RAB7B: variants seen among roughly 807,000 people sequenced by gnomAD.
The protein encoded by RAB7B is ras-related protein Rab-7b.
intron 4 of RAB7B, among the ~76,000 whole-genome samples, chr1:205,988,118 A>G (rs1660646154): frequency 6.6e-6 from 1 of 151,670 alleles, no homozygotes; most frequent in African/African-American, 2.4e-5. Flanking sequence ...ATTCCTTGCT[A>G]TTCATCTTCA....
intron 1 of RAB7B, among the ~76,000 whole-genome samples, chr1:205,996,913 G>A (rs879246889): frequency 9.3e-4 from 141 of 152,194 alleles, no homozygotes; most frequent in African/African-American, 3.4e-3. Context: ...GAACAGCATG[G>A]GGAAACCACT....
chr1:205,980,947 G>T (rs1168992754), intron 5 of RAB7B, among the ~76,000 whole-genome samples: 1 of 151,356 alleles, frequency 6.6e-6, no homozygotes, highest in African/African-American at 2.4e-5. Context: ...TGTGGCCCAG[G>T]CTGGAGTGCA....
chr1:205,992,756 G>A (rs1223491084), intron 3 of RAB7B, 61 bp from the exon 4 acceptor site: 1 of 398,416 alleles, frequency 2.5e-6, no homozygotes, highest in Admixed American at 4.4e-5. Flanking sequence ...AGGCCCAGCT[G>A]GATTACATCA....
intron 5 of RAB7B, among the ~76,000 whole-genome samples, chr1:205,985,036 G>A (rs1660565397): frequency 2.6e-5 from 4 of 152,160 alleles, no homozygotes; most frequent in Admixed American, 2.0e-4. Flanking sequence ...GAGACAGAGG[G>A]TCCTGAGGCC....
chr1:205,999,181 C>T (rs1026371719), intron 1 of RAB7B, among the ~76,000 whole-genome samples: 3 of 152,012 alleles, frequency 2.0e-5, no homozygotes, highest in African/African-American at 7.3e-5. Flanking sequence ...AGGCCAGCGG[C>T]GTGCTTAGGA....
At chr1:205,997,935 C>G (rs1345910984) in intron 1 of RAB7B, among the ~76,000 whole-genome samples, 4 of 152,236 alleles carry the variant, frequency 2.6e-5, no homozygotes, top group Non-Finnish European at 5.9e-5. Flanking sequence ...AAGTATTCTA[C>G]CGAGGGCAGG....
chr1:206,001,373 C>T (rs1448155800), intron 1 of RAB7B, among the ~76,000 whole-genome samples: 1 of 151,464 alleles, frequency 6.6e-6, no homozygotes, highest in East Asian at 1.9e-4. Flanking sequence ...TTATCTATTT[C>T]TTTTTGAGAT....
At position 205,982,788 on chromosome 1, in the gene RAB7B, G is replaced by A. The variant is rs1660519656; in HGVS notation, c.522+2752C>T. ...CAAAACACCCTGGGCTGGAGCAAAT[G>A]AGCCCACAATCTCCCTGGGAAGGAA... On this transcript the variant is annotated intron_variant, in intron 5 of 5. Transcript: ENST00000617070. Among the ~76,000 whole-genome samples, 3 of 152,106 alleles carry A rather than the reference G, an allele frequency of 2.0e-5. No individual in the cohort carries two copies. The South Asian group carries it at 6.2e-4, about 32-fold the overall frequency.
chr1:205,989,130 C>T (rs2102637699), intron 4 of RAB7B, among the ~76,000 whole-genome samples: 1 of 149,864 alleles, frequency 6.7e-6, no homozygotes, highest in Non-Finnish European at 1.5e-5. Flanking sequence ...TCTCCTCCAT[C>T]CTCTCCTCCA....
intron 5 of RAB7B, among the ~76,000 whole-genome samples, chr1:205,982,835 G>T (rs1660520516): frequency 6.6e-6 from 1 of 152,188 alleles, no homozygotes; most frequent in Non-Finnish European, 1.5e-5. Context: ...TATAGGAAAT[G>T]CCTCTGAAAA....
intron 1 of RAB7B, among the ~76,000 whole-genome samples, chr1:205,995,338 T>C (rs894519231): frequency 6.6e-6 from 1 of 152,140 alleles, no homozygotes; most frequent in South Asian, 2.1e-4. Context: ...CCCACTTGTA[T>C]AGAAAAACGC....
intron 1 of RAB7B, among the ~76,000 whole-genome samples, chr1:205,995,780 T>C (rs1035906636): frequency 2.4e-4 from 37 of 152,296 alleles, no homozygotes; most frequent in African/African-American, 7.5e-4. Flanking sequence ...TTCAGTTAGC[T>C]AGGAGTAAAT....
chr1:205,985,152 G>A (rs922871888), intron 5 of RAB7B, among the ~76,000 whole-genome samples: 8 of 152,208 alleles, frequency 5.3e-5, no homozygotes, highest in Non-Finnish European at 8.8e-5. Context: ...ACTCGTACAG[G>A]TTTGATATTT....
intron 1 of RAB7B, among the ~76,000 whole-genome samples, chr1:205,998,711 T>G (rs1368481640): frequency 1.3e-5 from 2 of 152,240 alleles, no homozygotes; most frequent in Non-Finnish European, 2.9e-5. Flanking sequence ...AGCTAACATT[T>G]GTTTGGTGGG....
chr1:205,997,266 C>T (rs967869788), intron 1 of RAB7B, among the ~76,000 whole-genome samples: 4 of 152,180 alleles, frequency 2.6e-5, no homozygotes, highest in South Asian at 2.1e-4. Flanking sequence ...ACCCACCACA[C>T]GGAGTCACCA....
chr1:205,999,384 C>T (rs1660856210), intron 1 of RAB7B, among the ~76,000 whole-genome samples: 1 of 152,130 alleles, frequency 6.6e-6, no homozygotes, highest in African/African-American at 2.4e-5. Flanking sequence ...GATACTCAAC[C>T]TTACTAACTA....
intron 2 of RAB7B, 87 bp from the exon 3 acceptor site, chr1:205,993,633 C>T (rs1454467000): frequency 2.5e-6 from 1 of 397,162 alleles, no homozygotes; most frequent in African/African-American, 2.1e-5. Context: ...CTTCCCAGGC[C>T]CCTCTTGCCA....
At chr1:205,995,631 G>A (rs1422567314) in intron 1 of RAB7B, among the ~76,000 whole-genome samples, 2 of 152,064 alleles carry the variant, frequency 1.3e-5, no homozygotes, top group Non-Finnish European at 2.9e-5. Flanking sequence ...AAATAACCCA[G>A]GCAAAGAGAC....
chr1:205,993,318 A>G, intron 3 of RAB7B, 102 bp downstream of exon 3: 3 of 395,558 alleles, frequency 7.6e-6, no homozygotes, highest in Non-Finnish European at 1.3e-5. Flanking sequence ...TCTGCTCTAG[A>G]CCATTCTAGC....
Sources: gnomAD v4.1 joint callset for allele counts (sites outside exome capture counted in the v4.1 genomes callset) on GRCh38, gnomAD v4.1.1 for gene constraint, MANE v1.5 for transcripts, NCBI Gene and HGNC (gene_info 2026-07-23, HGNC 2026-07-21) for gene names.